TAFA2: variants seen among roughly 807,000 people sequenced by gnomAD.
The protein encoded by TAFA2 is chemokine-like protein TAFA-2.
Under a neutral mutation model 18.8 loss-of-function variants are expected in TAFA2, and 7 were observed. The ratio of observed to expected loss-of-function variants is 0.37; its 90% CI spans 0.21 to 0.70. TAFA2 has a LOEUF of 0.70. TAFA2 is among the 30% of genes least tolerant of loss of function. The pLI is 0.53. For synonymous variants in TAFA2, 60 were observed against 54.2 expected, an observed-to-expected ratio of 1.11 and a Z score of -0.47; for missense variants, 122 against 158.1, an observed-to-expected ratio of 0.77 and a Z score of 1.23.
intron 2 of TAFA2, among the ~76,000 whole-genome samples, chr12:61,858,869 TGAAA>T (rs1489796756): frequency 2.0e-5 from 3 of 152,100 alleles, no homozygotes; most frequent in African/African-American, 7.2e-5. Flanking sequence ...CCATCAACAG[TGAAA>T]GAGATAAATA....
At chr12:62,111,160 G>A (rs1192263939) in intron 1 of TAFA2, among the ~76,000 whole-genome samples, 2 of 152,136 alleles carry the variant, frequency 1.3e-5, no homozygotes, top group Non-Finnish European at 2.9e-5. Context: ...TGCTTTAACT[G>A]TGTCCCAGAG....
At chr12:61,731,265 GTC>G in intron 4 of TAFA2, among the ~76,000 whole-genome samples, 1 of 152,038 alleles carries the variant, frequency 6.6e-6, no homozygotes. Context: ...TGAGTTTTTT[GTC>G]TGTCTTATGG....
At chr12:61,998,766 C>T (rs768669762) in intron 1 of TAFA2, among the ~76,000 whole-genome samples, 18 of 152,058 alleles carry the variant, frequency 1.2e-4, no homozygotes, top group African/African-American at 4.3e-4. Context: ...AGAAGAAACA[C>T]GTGGAGGATG....
intron 1 of TAFA2, chr12:62,145,723 C>A (rs1483534055): frequency 2.0e-5 from 3 of 152,226 alleles, no homozygotes; most frequent in Non-Finnish European, 2.9e-5. Flanking sequence ...GATGCCCAGT[C>A]TGGAGAAAAT....
intron 1 of TAFA2, among the ~76,000 whole-genome samples, chr12:62,003,774 GC>G (rs1880457105): frequency 6.6e-6 from 1 of 152,076 alleles, no homozygotes; most frequent in South Asian, 2.1e-4. Flanking sequence ...ATGAGCAATG[GC>G]TAGTATATAG....
chr12:62,170,174 A>G (rs2062467607), intron 1 of TAFA2, among the ~76,000 whole-genome samples: 1 of 152,224 alleles, frequency 6.6e-6, no homozygotes, highest in Non-Finnish European at 1.5e-5. Context: ...AGTACCCTTG[A>G]TGACTAAAAT....
chr12:62,133,833 T>C (rs1423280579), intron 1 of TAFA2, among the ~76,000 whole-genome samples: 1 of 152,086 alleles, frequency 6.6e-6, no homozygotes, highest in African/African-American at 2.4e-5. Flanking sequence ...TCATTGAGCA[T>C]ATAGGCTTGG....
chr12:62,128,552 T>A (rs1450681177), intron 1 of TAFA2, among the ~76,000 whole-genome samples: 1 of 151,962 alleles, frequency 6.6e-6, no homozygotes, highest in Non-Finnish European at 1.5e-5. Context: ...TTTTACCACG[T>A]ATATCTCCCC....
chr12:61,844,851 C>T (rs1444299025), intron 2 of TAFA2, among the ~76,000 whole-genome samples: 2 of 152,098 alleles, frequency 1.3e-5, no homozygotes, highest in Non-Finnish European at 2.9e-5. Context: ...CTTGAAAACA[C>T]TCATCTGGCA....
intron 1 of TAFA2, among the ~76,000 whole-genome samples, chr12:61,904,360 G>A (rs920271567): frequency 6.6e-5 from 10 of 152,126 alleles, no homozygotes; most frequent in Non-Finnish European, 1.5e-4. Flanking sequence ...GTAGAAAAGT[G>A]AGAAGGTAAA....
intron 2 of TAFA2, among the ~76,000 whole-genome samples, chr12:61,781,841 T>C (rs1192303032): frequency 6.6e-6 from 1 of 151,636 alleles, no homozygotes; most frequent in East Asian, 1.9e-4. Context: ...CAATTACAAT[T>C]AAGAATCAAA....
chr12:62,204,861 G>A (rs2062685179), intron 1 of TAFA2, among the ~76,000 whole-genome samples: 1 of 152,132 alleles, frequency 6.6e-6, no homozygotes, highest in African/African-American at 2.4e-5. Context: ...CCAGTTCTAT[G>A]CCCTTGCTGG....
chr12:61,955,600 CAAAAAAAAAAAAAAAAAA>C (rs869189343), intron 1 of TAFA2, among the ~76,000 whole-genome samples: 18 of 38,934 alleles, frequency 4.6e-4, no homozygotes, highest in African/African-American at 2.0e-3. Flanking sequence ...GACTCCATCT[CAAAAAAAAAAAAAAAAAA>C]AAAAAAAAAA....
At chr12:61,830,491 C>T (rs907391885) in intron 2 of TAFA2, among the ~76,000 whole-genome samples, 10 of 151,628 alleles carry the variant, frequency 6.6e-5, no homozygotes, top group African/African-American at 2.2e-4. Flanking sequence ...TGAAATAACT[C>T]ACACAGAAAC....
At chr12:62,138,297 A>G (rs1167740639) in intron 1 of TAFA2, among the ~76,000 whole-genome samples, 2 of 152,130 alleles carry the variant, frequency 1.3e-5, no homozygotes, top group Admixed American at 6.5e-5. Context: ...AAAATAAAAT[A>G]AAATAAAATT....
intron 4 of TAFA2, among the ~76,000 whole-genome samples, chr12:61,737,796 T>C (rs1455986329): frequency 6.6e-6 from 1 of 151,838 alleles, no homozygotes; most frequent in Admixed American, 6.6e-5. Context: ...CTACAAAATA[T>C]GAAATCTAAT....
intron 2 of TAFA2, among the ~76,000 whole-genome samples, chr12:61,756,260 A>G (rs1299683393): frequency 6.6e-6 from 1 of 152,066 alleles, no homozygotes; most frequent in Non-Finnish European, 1.5e-5. Context: ...CCTCAATAGA[A>G]CCTTCAAGAG....
intron 1 of TAFA2, among the ~76,000 whole-genome samples, chr12:62,201,005 T>C (rs2062668549): frequency 6.6e-6 from 1 of 152,184 alleles, no homozygotes; most frequent in African/African-American, 2.4e-5. Context: ...TTTGTAACAA[T>C]TGTAATGGGA....
upstream of TAFA2, among the ~76,000 whole-genome samples, chr12:62,194,320 C>A (rs1009437520): frequency 4.5e-4 from 4 of 8,970 alleles, no homozygotes. Flanking sequence ...CACACACACA[C>A]ACACACATAC....
Sources: gnomAD v4.1 joint callset for allele counts (sites outside exome capture counted in the v4.1 genomes callset) on GRCh38, gnomAD v4.1.1 for gene constraint, MANE v1.5 for transcripts, NCBI Gene and HGNC (gene_info 2026-07-23, HGNC 2026-07-21) for gene names.